The following CNTLN variants were observed in gnomAD, a reference collection of about 807,000 sequenced individuals.
CNTLN encodes the protein centlein.
CNTLN carries 212 observed loss-of-function variants against 180.0 expected under a neutral mutation model. The observed-to-expected ratio is 1.18, with a 90% CI of 1.05 to 1.32. The LOEUF is 1.32. Ranked by LOEUF, CNTLN falls within the 40% of genes most tolerant of loss-of-function variation. CNTLN has a pLI of 0.00. For missense variants in CNTLN, 2,095 were observed against 1,610.9 expected (o/e 1.30, Z -5.14); for synonymous variants, 722 against 563.1 (o/e 1.28, Z -3.99).
At chr9:17,312,364 T>TATATATTATA (rs369729227) in intron 8 of CNTLN, among the ~76,000 whole-genome samples, 1 of 20,186 alleles carries the variant, frequency 5.0e-5, no homozygotes, top group Admixed American at 5.3e-4. Flanking sequence ...TATATATATA[T>TATATATTATA]TATATATATA....
intron 7 of CNTLN, 93 bp downstream of exon 7, chr9:17,298,445 AT>A: frequency 7.4e-7 from 1 of 1,349,548 alleles, no homozygotes. Context: ...TCAGCATTTA[AT>A]TTTTACTTCC....
intron 18 of CNTLN, among the ~76,000 whole-genome samples, chr9:17,422,933 G>A (rs1305868721): frequency 2.6e-5 from 4 of 152,200 alleles, no homozygotes; most frequent in Admixed American, 1.3e-4. Context: ...AAATCCGCTA[G>A]GGGATACCCT....
chr9:17,525,129 C>G, the CNTLN span, among the ~76,000 whole-genome samples: 1 of 152,160 alleles, frequency 6.6e-6, no homozygotes, highest in African/African-American at 2.4e-5. Flanking sequence ...CAGCTGCTAA[C>G]TTGCCCAACA....
chr9:17,520,844 C>T, the CNTLN span, among the ~76,000 whole-genome samples: 2 of 152,156 alleles, frequency 1.3e-5, no homozygotes, highest in African/African-American at 2.4e-5. Flanking sequence ...CAGCATCCCC[C>T]ACCCTGCCTT....
At chr9:17,152,493 G>C (rs943958832) in intron 2 of CNTLN, among the ~76,000 whole-genome samples, 1 of 152,144 alleles carries the variant, frequency 6.6e-6, no homozygotes, top group Admixed American at 6.5e-5. Flanking sequence ...TTAATCCTGA[G>C]TTCTAATTTG....
intron 6 of CNTLN, among the ~76,000 whole-genome samples, chr9:17,297,551 A>C (rs1481213832): frequency 6.6e-6 from 1 of 152,150 alleles, no homozygotes. Context: ...CATCATTACC[A>C]CCACCAGTTC....
chr9:17,150,337 AG>A (rs1488714083), intron 2 of CNTLN, among the ~76,000 whole-genome samples: 2 of 152,148 alleles, frequency 1.3e-5, no homozygotes, highest in African/African-American at 4.8e-5. Context: ...AAAAGGTGTA[AG>A]TGAGGGGTCC....
At chr9:17,443,797 G>C (rs920794533) in intron 18 of CNTLN, among the ~76,000 whole-genome samples, 1 of 152,188 alleles carries the variant, frequency 6.6e-6, no homozygotes, top group Non-Finnish European at 1.5e-5. Context: ...AAGATCTTAA[G>C]TTTGGGGGAG....
chr9:17,321,315 C>T (rs10963031), intron 8 of CNTLN, among the ~76,000 whole-genome samples: 4 of 151,942 alleles, frequency 2.6e-5, no homozygotes, highest in Non-Finnish European at 4.4e-5. Context: ...TTGAGCTCCA[C>T]GTACCTCTTT....
At chr9:17,410,345 A>G (rs991540073) in intron 16 of CNTLN, among the ~76,000 whole-genome samples, 4 of 152,146 alleles carry the variant, frequency 2.6e-5, no homozygotes, top group African/African-American at 7.2e-5. Context: ...GGAATTTTTT[A>G]GTAAATTGCC....
Position 17,466,760 on chromosome 9 carries a change from G to A in CNTLN, c.3724G>A (p.Ala1242Thr). 1 of 1,610,594 alleles carries A rather than the reference G, an allele frequency of 6.2e-7. No homozygotes were observed. Among genetic ancestry groups the A allele is most frequent in the Non-Finnish European group, 8.5e-7 (1 of 1,177,796 alleles). ...SRISETESAMAEIETAASKQL... is the reference protein window; with the variant it reads ...SRISETESAMTEIETAASKQL... ...AATAAGTGAGACTGAATCTGCAATG[G>A]CAGAAATTGAAACAGCAGCATCTAA... The change falls in exon 23 of 26, where the codon GCA becomes ACA. Residue 1242 changes from alanine (A) to threonine (T), a missense_variant. Coordinates refer to ENST00000380647, the MANE Select transcript of CNTLN (RefSeq NM_017738.4).
At chr9:17,266,741 A>G (rs944122410) in intron 5 of CNTLN, among the ~76,000 whole-genome samples, 17 of 152,176 alleles carry the variant, frequency 1.1e-4, no homozygotes, top group Admixed American at 6.5e-4. Context: ...GTGCATATAT[A>G]TTTAGGATAG....
intron 6 of CNTLN, among the ~76,000 whole-genome samples, chr9:17,288,873 G>C (rs77522619): frequency 0.1 from 9,669 of 94,856 alleles, 816 homozygotes; most frequent in Middle Eastern, 0.15. Context: ...AGATCTTCCT[G>C]CATCCTTTTA....
intron 8 of CNTLN, among the ~76,000 whole-genome samples, chr9:17,313,342 A>G (rs565132298): frequency 6.8e-4 from 103 of 151,942 alleles, no homozygotes; most frequent in Admixed American, 2.2e-3. Flanking sequence ...CCATATTATC[A>G]TTTGTTTTCT....
intron 1 of CNTLN, among the ~76,000 whole-genome samples, chr9:17,142,403 C>T (rs1404471885): frequency 6.6e-6 from 1 of 152,046 alleles, no homozygotes; most frequent in Non-Finnish European, 1.5e-5. Flanking sequence ...ATGGCAGTAT[C>T]AATTTCTGGG....
At chr9:17,209,427 T>A (rs1195987179) in intron 2 of CNTLN, among the ~76,000 whole-genome samples, 1 of 152,232 alleles carries the variant, frequency 6.6e-6, no homozygotes, top group African/African-American at 2.4e-5. Context: ...TAACTACTTA[T>A]TAGATCTATT....
intron 18 of CNTLN, among the ~76,000 whole-genome samples, chr9:17,454,040 G>A (rs886942648): frequency 3.3e-5 from 5 of 152,196 alleles, no homozygotes; most frequent in East Asian, 3.9e-4. Flanking sequence ...ATAGCATATC[G>A]TATTTCTGGG....
intron 23 of CNTLN, among the ~76,000 whole-genome samples, chr9:17,468,824 G>C (rs1831899608): frequency 6.6e-6 from 1 of 151,420 alleles, no homozygotes; most frequent in African/African-American, 2.4e-5. Flanking sequence ...TGATGAAGTG[G>C]GTATCTAAAC....
the CNTLN span, among the ~76,000 whole-genome samples, chr9:17,526,748 AAT>A: frequency 2.6e-5 from 1 of 38,440 alleles, no homozygotes; most frequent in Non-Finnish European, 1.3e-4. Flanking sequence ...TAAAAAAATT[AAT>A]TAATTTAGCT....
Sources: allele counts gnomAD v4.1 joint callset (sites outside exome capture counted in the v4.1 genomes callset), GRCh38; gene constraint gnomAD v4.1.1; transcripts MANE v1.5; gene names NCBI Gene and HGNC (gene_info 2026-07-23, HGNC 2026-07-21).